Variants in XRCC4 observed in about 807,000 individuals in gnomAD.
XRCC4 encodes X-ray repair cross complementing 4.
In XRCC4, 28 loss-of-function variants were observed where a neutral mutation model predicts 39.1. That is an observed-to-expected ratio of 0.72 (90% CI 0.53 to 0.98). The LOEUF is 0.98. Among genes scored for constraint, XRCC4 ranks in the 50% least tolerant of loss-of-function variants. XRCC4 has a pLI of 0.00. For synonymous variants in XRCC4, 123 were observed against 126.4 expected (o/e 0.97, Z 0.18); for missense variants, 350 against 376.4 (o/e 0.93, Z 0.58).
At chr5:83,349,453 A>T (rs536484708) in intron 7 of XRCC4, among the ~76,000 whole-genome samples, 1 of 152,322 alleles carries the variant, frequency 6.6e-6, no homozygotes, top group East Asian at 1.9e-4. Flanking sequence ...TACTCTATTG[A>T]CTTGCCATAG....
intron 3 of XRCC4, among the ~76,000 whole-genome samples, chr5:83,133,369 T>G (rs1747704135): frequency 6.6e-6 from 1 of 152,188 alleles, no homozygotes. Context: ...CTGTCCATTC[T>G]CAGATCTCCA....
chr5:83,128,665 T>C (rs1415306934), intron 3 of XRCC4, among the ~76,000 whole-genome samples: 1 of 152,198 alleles, frequency 6.6e-6, no homozygotes, highest in Non-Finnish European at 1.5e-5. Context: ...TGATCGCCAT[T>C]CTAACTGGTG....
intron 4 of XRCC4, chr5:83,201,726 A>G (rs1751206625): frequency 1.3e-5 from 2 of 152,524 alleles, no homozygotes; most frequent in Admixed American, 1.3e-4. Context: ...CAGAGTCATC[A>G]CCAAGGAGGA....
the XRCC4 span, among the ~76,000 whole-genome samples, chr5:83,360,343 T>A: frequency 6.6e-6 from 1 of 152,092 alleles, no homozygotes; most frequent in Non-Finnish European, 1.5e-5. Flanking sequence ...TTAGGGAAAT[T>A]CAACCAGGTG....
chr5:83,246,076 T>G (rs1255596703), intron 6 of XRCC4, among the ~76,000 whole-genome samples: 1 of 152,122 alleles, frequency 6.6e-6, no homozygotes, highest in Non-Finnish European at 1.5e-5. Context: ...ATAATATTTC[T>G]CACTTTTACT....
chr5:83,123,953 G>A (rs1183988279), intron 3 of XRCC4, among the ~76,000 whole-genome samples: 1 of 151,882 alleles, frequency 6.6e-6, no homozygotes, highest in Admixed American at 6.6e-5. Context: ...CTTTAGAGTC[G>A]AAAAGTTTCA....
At chr5:83,241,611 C>T (rs981458686) in intron 6 of XRCC4, among the ~76,000 whole-genome samples, 1 of 152,078 alleles carries the variant, frequency 6.6e-6, no homozygotes, top group African/African-American at 2.4e-5. Context: ...CAACCAAGTA[C>T]AGTTGATCCT....
chr5:83,152,249 G>A (rs1397329204), intron 3 of XRCC4, among the ~76,000 whole-genome samples: 2 of 152,186 alleles, frequency 1.3e-5, no homozygotes, highest in Admixed American at 6.5e-5. Flanking sequence ...TTTTAAATTA[G>A]TGTTTAAGGT....
At chr5:83,203,830 T>G (rs1444674956) in intron 5 of XRCC4, 123 bp downstream of exon 5, 1 of 1,201,768 alleles carries the variant, frequency 8.3e-7, no homozygotes, top group Non-Finnish European at 1.2e-6. Flanking sequence ...AGTCTGGATG[T>G]GGATGTTCAG....
At chr5:83,306,062 TA>T (rs1755472409) in intron 7 of XRCC4, among the ~76,000 whole-genome samples, 1 of 152,176 alleles carries the variant, frequency 6.6e-6, no homozygotes, top group African/African-American at 2.4e-5. Context: ...TATCCAGTTT[TA>T]AAAAATACTG....
chr5:83,164,470 A>G (rs1749364690), intron 3 of XRCC4, among the ~76,000 whole-genome samples: 1 of 152,158 alleles, frequency 6.6e-6, no homozygotes, highest in Non-Finnish European at 1.5e-5. Flanking sequence ...TATTAAAGTT[A>G]TCTTCTGTTA....
intron 3 of XRCC4, among the ~76,000 whole-genome samples, chr5:83,138,188 A>G (rs1403437074): frequency 6.6e-6 from 1 of 152,154 alleles, no homozygotes; most frequent in Non-Finnish European, 1.5e-5. Flanking sequence ...TTCTGATGTT[A>G]TCTCTAAATG....
intron 7 of XRCC4, among the ~76,000 whole-genome samples, chr5:83,307,359 T>C (rs935032691): frequency 6.6e-6 from 1 of 152,174 alleles, no homozygotes; most frequent in Non-Finnish European, 1.5e-5. Context: ...CCACACTATA[T>C]TCAACACTCA....
chr5:83,348,254 A>T (rs1042666241), intron 7 of XRCC4, among the ~76,000 whole-genome samples: 1 of 152,116 alleles, frequency 6.6e-6, no homozygotes, highest in Non-Finnish European at 1.5e-5. Flanking sequence ...GGCTCCAACC[A>T]CACATTTTCT....
intron 7 of XRCC4, among the ~76,000 whole-genome samples, chr5:83,302,464 G>A (rs151251244): frequency 2.0e-5 from 3 of 152,106 alleles, no homozygotes; most frequent in Admixed American, 6.5e-5. Context: ...GATCCCTTGC[G>A]CTTCCCAGGT....
downstream of XRCC4, among the ~76,000 whole-genome samples, chr5:83,357,451 G>T (rs1433474467): frequency 3.9e-5 from 6 of 151,990 alleles, no homozygotes; most frequent in Non-Finnish European, 8.8e-5. Context: ...ATGAGAAATC[G>T]GGGGGGTTGG....
At chr5:83,175,385 G>A (rs1749905795) in intron 3 of XRCC4, among the ~76,000 whole-genome samples, 1 of 147,428 alleles carries the variant, frequency 6.8e-6, no homozygotes, top group African/African-American at 2.7e-5. Context: ...AGGAATATCT[G>A]GAAAAAATTT....
At chr5:83,227,002 G>A (rs550228383) in intron 6 of XRCC4, among the ~76,000 whole-genome samples, 2 of 151,882 alleles carry the variant, frequency 1.3e-5, no homozygotes, top group Non-Finnish European at 2.9e-5. Flanking sequence ...CTGTATTAGA[G>A]TTTTTCACTT....
chr5:83,336,513 T>C (rs1756599515), intron 7 of XRCC4, among the ~76,000 whole-genome samples: 2 of 152,284 alleles, frequency 1.3e-5, no homozygotes, highest in South Asian at 4.1e-4. Flanking sequence ...ATAAAGGATG[T>C]CTAGAGCTGA....
Sources: allele counts gnomAD v4.1 joint callset (sites outside exome capture counted in the v4.1 genomes callset), GRCh38; gene constraint gnomAD v4.1.1; transcripts MANE v1.5; gene names NCBI Gene and HGNC (gene_info 2026-07-23, HGNC 2026-07-21).